RBFOX1: variants seen among roughly 807,000 people sequenced by gnomAD.
RBFOX1 encodes the protein RNA binding protein fox-1 homolog 1.
A neutral mutation model predicts 57.7 loss-of-function variants in RBFOX1; 8 were observed. The ratio of observed to expected loss-of-function variants is 0.14; its 90% CI spans 0.08 to 0.25. The LOEUF (loss-of-function observed/expected upper bound fraction) is 0.25, where lower values mean the gene tolerates loss of function less well. Ranked by LOEUF, RBFOX1 falls within the 10% of genes least tolerant of loss-of-function variation. The pLI, the probability that RBFOX1 is intolerant of heterozygous loss-of-function variation, is 1.00. For missense variants in RBFOX1, 611 were observed against 548.5 expected, an observed-to-expected ratio of 1.11 and a Z score of -1.14; for synonymous variants, 326 against 222.4, an observed-to-expected ratio of 1.47 and a Z score of -4.15.
At chr16:7,342,055 C>G (rs1412572900) in intron 4 of RBFOX1, among the ~76,000 whole-genome samples, 4 of 152,032 alleles carry the variant, frequency 2.6e-5, no homozygotes, top group African/African-American at 9.7e-5. Flanking sequence ...TTCTCAGGAA[C>G]TGCTCTCTGA....
intron 3 of RBFOX1, among the ~76,000 whole-genome samples, chr16:5,824,774 G>A (rs1174013385): frequency 6.6e-6 from 1 of 152,186 alleles, no homozygotes; most frequent in African/African-American, 2.4e-5. Context: ...GAGCCCAGTG[G>A]CTTCAGAGGT....
chr16:6,937,239 A>C (rs1365059828), intron 3 of RBFOX1, among the ~76,000 whole-genome samples: 1 of 152,110 alleles, frequency 6.6e-6, no homozygotes, highest in East Asian at 1.9e-4. Flanking sequence ...ATCCCTGGGT[A>C]CTCAGATACC....
At chr16:7,409,869 G>C (rs1343966414) in intron 4 of RBFOX1, among the ~76,000 whole-genome samples, 1 of 152,152 alleles carries the variant, frequency 6.6e-6, no homozygotes, top group Non-Finnish European at 1.5e-5. Flanking sequence ...TGAAGAAATT[G>C]AAGTGTGGAA....
chr16:5,643,906 T>C (rs1323014010), intron 3 of RBFOX1, among the ~76,000 whole-genome samples: 4 of 152,220 alleles, frequency 2.6e-5, no homozygotes, highest in Admixed American at 2.6e-4. Context: ...AAATCTTTTC[T>C]TTCCCTCTGT....
Position 5,929,033 on chromosome 16 carries a change from T to TAAAAA in RBFOX1, c.351+61712_351+61716dup, listed in dbSNP as rs3041579. Among the ~76,000 whole-genome samples, 63 of 127,056 alleles carry TAAAAA rather than the reference T, an allele frequency of 5.0e-4. 1 individual carries two copies. The highest frequency in any genetic ancestry group is 9.6e-4 in the Non-Finnish European group (58 of 60,328). The allele number at this position is 127,056 out of a possible 152,430, so 83.4% of individuals were successfully genotyped here. Reference sequence around the variant, plus strand: ...AAGTGTTTAAAGCTTCTTTCCAATTTAAAAAAAAAAAAAAAAAAGGAAAGA... The same window carrying TAAAAA: ...AAGTGTTTAAAGCTTCTTTCCAATTTAAAAAAAAAAAAAAAAAAAAAAAGGAAAGA... On this transcript the variant is annotated intron_variant, in intron 4 of 19. Coordinates refer to the RBFOX1 transcript ENST00000641259.
chr16:6,650,485 A>T (rs547284870), intron 2 of RBFOX1, among the ~76,000 whole-genome samples: 1 of 152,156 alleles, frequency 6.6e-6, no homozygotes, highest in African/African-American at 2.4e-5. Context: ...TGAGTTACCT[A>T]ATGGCTAATC....
intron 3 of RBFOX1, among the ~76,000 whole-genome samples, chr16:5,862,172 A>C (rs1219119728): frequency 6.6e-6 from 1 of 152,208 alleles, no homozygotes; most frequent in Admixed American, 6.5e-5. Context: ...AGACTCCTTC[A>C]GGGTTTGGGG....
intron 10 of RBFOX1, among the ~76,000 whole-genome samples, chr16:7,628,685 T>C (rs1303837772): frequency 6.6e-6 from 1 of 152,152 alleles, no homozygotes; most frequent in Non-Finnish European, 1.5e-5. Context: ...TGATCTCGGC[T>C]TACTGCAACC....
chr16:5,684,709 A>G (rs553359795), intron 3 of RBFOX1, among the ~76,000 whole-genome samples: 1 of 152,252 alleles, frequency 6.6e-6, no homozygotes, highest in South Asian at 2.1e-4. Flanking sequence ...GAAGCTATCA[A>G]ACGATATTGC....
intron 4 of RBFOX1, among the ~76,000 whole-genome samples, chr16:7,475,695 T>C (rs867616730): frequency 1.3e-5 from 2 of 152,182 alleles, no homozygotes; most frequent in African/African-American, 4.8e-5. Context: ...GGTTTGCTGC[T>C]TGCCACATGA....
chr16:6,049,370 AG>A (rs1279279502), intron 1 of RBFOX1, among the ~76,000 whole-genome samples: 1 of 152,130 alleles, frequency 6.6e-6, no homozygotes, highest in Non-Finnish European at 1.5e-5. Context: ...CATATTTAAA[AG>A]TAGAGAGAAT....
chr16:5,951,504 T>TAA (rs1343269628), intron 4 of RBFOX1, among the ~76,000 whole-genome samples: 1 of 152,108 alleles, frequency 6.6e-6, no homozygotes, highest in African/African-American at 2.4e-5. Context: ...TGTATATATA[T>TAA]AACTATGTAT....
At chr16:7,685,447 T>C (rs1403051903) in intron 14 of RBFOX1, among the ~76,000 whole-genome samples, 3 of 152,090 alleles carry the variant, frequency 2.0e-5, no homozygotes, top group Non-Finnish European at 2.9e-5. Flanking sequence ...ATTAATTGCA[T>C]AGATTCACGC....
chr16:5,366,070 A>G (rs557277887), intron 1 of RBFOX1: 99 of 473,712 alleles, frequency 2.1e-4, no homozygotes, highest in Non-Finnish European at 3.6e-4. Context: ...TGGGGCTTTG[A>G]AATCATACCA....
chr16:6,750,316 T>C (rs1296014090), intron 3 of RBFOX1, among the ~76,000 whole-genome samples: 1 of 152,212 alleles, frequency 6.6e-6, no homozygotes. Flanking sequence ...TTAGTTTTAA[T>C]AATGGGTCAT....
chr16:5,280,039 A>G lies in RBFOX1; in HGVS notation c.219+39934A>G, dbSNP rs552794090. ...CAGTTCTTAGAGGAAAGGCTTTTCA[A>G]TTTTTCTCAGTGAGTAGGATGTTAG... On this transcript the variant is annotated intron_variant, in intron 1 of 2. Transcript: ENST00000585867. Among the ~76,000 whole-genome samples, 341 of 152,196 alleles carry G rather than the reference A, an allele frequency of 2.2e-3. 2 individuals are homozygous for G. The highest frequency in any genetic ancestry group is 7.7e-3 in the African/African-American group (321 of 41,532).
At chr16:7,564,138 G>A (rs2091117754) in intron 5 of RBFOX1, among the ~76,000 whole-genome samples, 1 of 152,090 alleles carries the variant, frequency 6.6e-6, no homozygotes, top group Non-Finnish European at 1.5e-5. Flanking sequence ...ACTTTGGAAG[G>A]TAATTAGGTT....
intron 4 of RBFOX1, among the ~76,000 whole-genome samples, chr16:7,444,519 G>A (rs181249372): frequency 6.6e-6 from 1 of 152,064 alleles, no homozygotes; most frequent in African/African-American, 2.4e-5. Flanking sequence ...CCTCTGACTG[G>A]GTTCTGATTG....
intron 3 of RBFOX1, among the ~76,000 whole-genome samples, chr16:5,768,568 C>G (rs908968132): frequency 6.6e-6 from 1 of 152,122 alleles, no homozygotes; most frequent in Non-Finnish European, 1.5e-5. Context: ...AGCGTGGATC[C>G]TGTTTGAAAG....
Sources: allele counts gnomAD v4.1 joint callset (sites outside exome capture counted in the v4.1 genomes callset), GRCh38; gene constraint gnomAD v4.1.1; transcripts MANE v1.5; gene names NCBI Gene and HGNC (gene_info 2026-07-23, HGNC 2026-07-21).